OARD1: variants seen among roughly 807,000 people sequenced by gnomAD.
OARD1 encodes the protein ADP-ribose glycohydrolase OARD1.
A neutral mutation model predicts 19.7 loss-of-function variants in OARD1; 19 were observed. The ratio of observed to expected loss-of-function variants is 0.96; its 90% CI spans 0.67 to 1.41. The LOEUF (loss-of-function observed/expected upper bound fraction) is 1.41, where lower values mean the gene tolerates loss of function less well. Ranked by LOEUF, OARD1 falls within the 40% of genes most tolerant of loss-of-function variation. OARD1 has a pLI of 0.00. For synonymous variants in OARD1, 70 were observed against 61.8 expected, an observed-to-expected ratio of 1.13 and a Z score of -0.62; for missense variants, 190 against 183.8, an observed-to-expected ratio of 1.03 and a Z score of -0.20.
At chr6:41,073,977 A>T (rs1275340989), upstream of OARD1, among the ~76,000 whole-genome samples, 4 of 152,028 alleles carry the variant, frequency 2.6e-5, no homozygotes, top group African/African-American at 9.7e-5. Context: ...CTGGAACCTC[A>T]CTCTTAGAAG....
At chr6:41,069,164 T>C (rs1763189151) in intron 4 of OARD1, 2 of 390,524 alleles carry the variant, frequency 5.1e-6, no homozygotes, top group Admixed American at 4.6e-5. Context: ...AAACCCAGAC[T>C]CTGCCACGTA....
intron 1 of OARD1, among the ~76,000 whole-genome samples, chr6:41,096,654 G>C (rs1456917894): frequency 6.6e-6 from 1 of 152,196 alleles, no homozygotes; most frequent in Non-Finnish European, 1.5e-5. Flanking sequence ...TGCCTACCAA[G>C]GCTTCAGAGC....
chr6:41,078,222 C>A (rs1420330937), intron 1 of OARD1, among the ~76,000 whole-genome samples: 1 of 152,170 alleles, frequency 6.6e-6, no homozygotes, highest in African/African-American at 2.4e-5. Flanking sequence ...TATAGTTGCA[C>A]ATATTTTGGT....
At chr6:41,071,354 C>A in intron 2 of OARD1, 78 bp from the exon 3 acceptor site, 2 of 1,397,754 alleles carry the variant, frequency 1.4e-6, no homozygotes, top group Non-Finnish European at 2.0e-6. Context: ...TATTTTGTGT[C>A]CCCCACGACT....
chr6:41,070,764 T>TG (rs1268993766), intron 3 of OARD1: 2 of 430,622 alleles, frequency 4.6e-6, no homozygotes, highest in Non-Finnish European at 8.3e-6. Flanking sequence ...TAGAAAGTGA[T>TG]GGGAGGGGTC....
At position 41,066,361 on chromosome 6, in the gene OARD1, T is replaced by A. The variant is rs1054405958; in HGVS notation, c.*974A>T. On this transcript the variant is annotated 3_prime_UTR_variant, in exon 6 of 6. Transcript: ENST00000424266. Reference sequence around the variant, plus strand: ...GTTAACCAGGTTTGTCTCAAACTCCTGGGCTCAAGTCATCCTCCAGTCTCA... The same window carrying A: ...GTTAACCAGGTTTGTCTCAAACTCCAGGGCTCAAGTCATCCTCCAGTCTCA... 2.6e-5 allele frequency: 4 copies of A among 152,150 alleles called. No homozygotes were observed. The highest frequency in any genetic ancestry group is 9.7e-5 in the African/African-American group (4 of 41,430). The allele number at this position is 152,150 out of a possible 1,614,324, so 9.4% of individuals were successfully genotyped here. A position where few individuals can be genotyped will look rare whatever the true frequency, so the allele number is the denominator to read the frequency against.
rs1762982389 is a variant in OARD1 at position 41,065,761 on chromosome 6, CA to C, written c.*1573del. 1 of 152,138 alleles carries C rather than the reference CA, an allele frequency of 6.6e-6. No individual in the cohort carries two copies. The highest frequency in any genetic ancestry group is 1.5e-5 in the Non-Finnish European group (1 of 68,024). The allele number at this position is 152,138 out of a possible 1,614,324, so 9.4% of individuals were successfully genotyped here. On this transcript the variant is annotated 3_prime_UTR_variant, in exon 6 of 6. Coordinates refer to ENST00000424266, the MANE Select transcript of OARD1 (RefSeq NM_001329686.2). Reference sequence around the variant, plus strand: ...CTAAAGTACAAAGATTATATTTAACCAGTACTTTCCTGGTGTTTTAACCAGC... The same window carrying C: ...CTAAAGTACAAAGATTATATTTAACCGTACTTTCCTGGTGTTTTAACCAGC...
chr6:41,084,043 T>G, intron 1 of OARD1: 1 of 1,589,452 alleles, frequency 6.3e-7, no homozygotes, highest in Non-Finnish European at 8.5e-7. Context: ...TATTTCATTC[T>G]AGGTCCAAGG....
chr6:41,069,554 C>A, intron 4 of OARD1: 1 of 173,126 alleles, frequency 5.8e-6, no homozygotes. Context: ...CTAAGGAAGC[C>A]ACACCCTTTC....
At chr6:41,093,758 A>C (rs1382377389) in intron 1 of OARD1, among the ~76,000 whole-genome samples, 3 of 152,248 alleles carry the variant, frequency 2.0e-5, no homozygotes, top group African/African-American at 7.2e-5. Context: ...GGCGTGAGCC[A>C]CCATACCCGG....
rs1762976684 is a variant in OARD1 at position 41,065,630 on chromosome 6, C to T, written c.*1705G>A. The T allele has an allele frequency of 6.6e-6, 1 of 152,166 alleles. No homozygotes were observed. Among genetic ancestry groups the T allele is most frequent in the Non-Finnish European group, 1.5e-5 (1 of 68,022 alleles). The allele number at this position is 152,166 out of a possible 1,614,324, so 9.4% of individuals were successfully genotyped here. ...TGAACTTGACCCTCCACTGCCCCTA[C>T]CCCAACAACATGAAGAACTTGTCTG... On this transcript the variant is annotated 3_prime_UTR_variant, in exon 6 of 6. Transcript: ENST00000424266.
rs1298479111 is a variant in OARD1, at chr6:41,067,349, C to A, written c.445G>T (p.Val149Leu). The change falls in exon 6 of 6, where the codon GTG (valine) becomes TTG (leucine). Residue 149 changes from valine to leucine, a missense_variant. Transcript: ENST00000424266. Reference protein sequence around the residue: ...VFEATDIKITVYTL With the variant: ...VFEATDIKITLYTL ...TGTTCACTGGTTCAGAGTGTGTACA[C>A]AGTAATTTTGATGTCTGTTGCCTCA... 1 of 1,607,840 alleles carries A rather than the reference C, an allele frequency of 6.2e-7. No individual in the cohort carries two copies. Among genetic ancestry groups the A allele is most frequent in the Non-Finnish European group, 8.5e-7 (1 of 1,174,522 alleles).
chr6:41,079,122 G>A (rs755182333), intron 1 of OARD1: 9 of 1,614,034 alleles, frequency 5.6e-6, no homozygotes, highest in East Asian at 2.2e-5. Flanking sequence ...GCAATAGTTC[G>A]ACAGAGCAGA....
intron 1 of OARD1, among the ~76,000 whole-genome samples, chr6:41,089,937 G>A (rs1040918853): frequency 6.6e-6 from 1 of 152,004 alleles, no homozygotes; most frequent in Non-Finnish European, 1.5e-5. Context: ...GGCCAACATG[G>A]TGAAGCCCCG....
upstream of OARD1, among the ~76,000 whole-genome samples, chr6:41,074,519 G>C (rs78616872): frequency 0.02 from 2,983 of 152,298 alleles, 47 homozygotes; most frequent in Non-Finnish European, 0.032. Context: ...ACTTTTGACT[G>C]GCCTTGAAGA....
At chr6:41,078,578 A>G (rs1763806867) in intron 1 of OARD1, among the ~76,000 whole-genome samples, 1 of 152,208 alleles carries the variant, frequency 6.6e-6, no homozygotes, top group African/African-American at 2.4e-5. Context: ...GTGGATCTTC[A>G]ACTCTTAAAG....
chr6:41,096,191 G>A (rs147064211), intron 1 of OARD1, among the ~76,000 whole-genome samples: 4 of 152,192 alleles, frequency 2.6e-5, no homozygotes, highest in African/African-American at 9.6e-5. Context: ...TAACATCTAA[G>A]CAACTTTGCC....
intron 1 of OARD1, chr6:41,079,290 A>C: frequency 1.2e-6 from 1 of 850,482 alleles, no homozygotes; most frequent in Non-Finnish European, 1.9e-6. Flanking sequence ...ATTGGGTCTG[A>C]TGGCTTGTGC....
chr6:41,070,773 T>A, intron 3 of OARD1: 1 of 459,744 alleles, frequency 2.2e-6, no homozygotes, highest in Non-Finnish European at 3.9e-6. Flanking sequence ...ATGGGAGGGG[T>A]CTGTAAGGAA....
Sources: gnomAD v4.1 joint callset for allele counts (sites outside exome capture counted in the v4.1 genomes callset) on GRCh38, gnomAD v4.1.1 for gene constraint, MANE v1.5 for transcripts, NCBI Gene and HGNC (gene_info 2026-07-23, HGNC 2026-07-21) for gene names.